CTXND1: variants seen among roughly 807,000 people sequenced by gnomAD.
The protein encoded by CTXND1 is cortexin domain containing 1.
chr15:80,240,283 G>T (rs896139472), intron 1 of CTXND1, among the ~76,000 whole-genome samples: 8 of 152,198 alleles, frequency 5.3e-5, no homozygotes, highest in African/African-American at 1.9e-4. Context: ...TTTATTAAGG[G>T]GGGTCCCAAA....
intron 1 of CTXND1, among the ~76,000 whole-genome samples, chr15:80,241,289 G>A (rs1378849644): frequency 6.6e-6 from 1 of 152,110 alleles, no homozygotes; most frequent in African/African-American, 2.4e-5. Context: ...TGTCTGAGAA[G>A]GATTCTCTTC....
chr15:80,219,591 T>C (rs1893290993), intron 1 of CTXND1, among the ~76,000 whole-genome samples: 1 of 152,232 alleles, frequency 6.6e-6, no homozygotes, highest in South Asian at 2.1e-4. Context: ...CTAACTTTAT[T>C]AGACATTGCC....
At chr15:80,245,882 C>T (rs1893622189) in intron 1 of CTXND1, among the ~76,000 whole-genome samples, 1 of 152,152 alleles carries the variant, frequency 6.6e-6, no homozygotes, top group Admixed American at 6.5e-5. Flanking sequence ...CCCAACCCCG[C>T]AAGCCTCATG....
intron 1 of CTXND1, among the ~76,000 whole-genome samples, chr15:80,226,633 G>C (rs552035666): frequency 2.0e-5 from 3 of 152,226 alleles, no homozygotes; most frequent in African/African-American, 7.2e-5. Context: ...GAGTGATCCA[G>C]GGTCCCCTTG....
chr15:80,207,775 A>G (rs1341279586), intron 1 of CTXND1, among the ~76,000 whole-genome samples: 1 of 152,210 alleles, frequency 6.6e-6, no homozygotes, highest in Admixed American at 6.5e-5. Context: ...GGGTTCACTT[A>G]TTGTAAACAA....
chr15:80,218,501 G>C (rs2142128636), intron 1 of CTXND1, among the ~76,000 whole-genome samples: 1 of 152,176 alleles, frequency 6.6e-6, no homozygotes, highest in Non-Finnish European at 1.5e-5. Context: ...AGGCTTTCCA[G>C]AACTTTCTGC....
chr15:80,248,052 C>T (rs1002889735), intron 1 of CTXND1, among the ~76,000 whole-genome samples: 2 of 152,224 alleles, frequency 1.3e-5, no homozygotes, highest in Non-Finnish European at 2.9e-5. Context: ...AGCTGAACAG[C>T]CTACTCTCAA....
intron 1 of CTXND1, among the ~76,000 whole-genome samples, chr15:80,249,897 C>G (rs1467010951): frequency 6.6e-6 from 1 of 152,174 alleles, no homozygotes; most frequent in African/African-American, 2.4e-5. Flanking sequence ...AGACACGGAC[C>G]GGTTCCAGAG....
intron 1 of CTXND1, among the ~76,000 whole-genome samples, chr15:80,228,033 C>T (rs561303603): frequency 3.2e-4 from 48 of 152,356 alleles, no homozygotes; most frequent in Admixed American, 9.2e-4. Flanking sequence ...TATTCTAAAT[C>T]CTTGGATGTC....
At chr15:80,224,764 G>A (rs1893355053) in intron 1 of CTXND1, among the ~76,000 whole-genome samples, 1 of 152,120 alleles carries the variant, frequency 6.6e-6, no homozygotes, top group African/African-American at 2.4e-5. Context: ...TTTAAATTGA[G>A]ACAGGCTCTC....
chr15:80,202,611 G>T (rs1893092798), intron 2 of CTXND1, among the ~76,000 whole-genome samples: 1 of 152,156 alleles, frequency 6.6e-6, no homozygotes, highest in Non-Finnish European at 1.5e-5. Flanking sequence ...ACTGTGCCTG[G>T]TCTATCATGT....
At position 80,201,033 on chromosome 15, in the gene CTXND1, A is replaced by T. The variant is rs1431929115; in HGVS notation, c.*737T>A. The T allele has an allele frequency of 6.6e-6, 1 of 152,180 alleles. No individual in the cohort carries two copies. The highest frequency in any genetic ancestry group is 1.5e-5 in the Non-Finnish European group (1 of 68,032). The allele number at this position is 152,180 out of a possible 1,614,324, so 9.4% of individuals were successfully genotyped here. On this transcript the variant is annotated 3_prime_UTR_variant, in exon 3 of 3. Coordinates refer to ENST00000560778, the MANE Select transcript of CTXND1 (RefSeq NM_001352888.2). ...GAGTATGAATTTGACTAAAAAATAC[A>T]AGTAAAAAGGCTGGAAGAAAATATA...
intron 2 of CTXND1, among the ~76,000 whole-genome samples, chr15:80,202,532 C>G (rs1211698700): frequency 6.6e-6 from 1 of 152,216 alleles, no homozygotes; most frequent in East Asian, 1.9e-4. Context: ...CTTACTGCAG[C>G]CTCCAACTCC....
intron 1 of CTXND1, among the ~76,000 whole-genome samples, chr15:80,220,166 TATCTATTTATC>T (rs1240622216): frequency 2.0e-5 from 3 of 148,494 alleles, no homozygotes; most frequent in Admixed American, 6.6e-5. Context: ...TCTATCTATC[TATCTATTTATC>T]TATCTATCTA....
At chr15:80,224,876 C>T (rs1307629071) in intron 1 of CTXND1, among the ~76,000 whole-genome samples, 14 of 152,110 alleles carry the variant, frequency 9.2e-5, no homozygotes, top group African/African-American at 2.4e-4. Flanking sequence ...CCCAAGCAGC[C>T]GAGATTACAG....
In CTXND1 at chr15:80,205,663, C is replaced by T. The variant is rs577181733; in HGVS notation, c.-217-1923G>A. ...GCACCAGATCCCGGCATCCAGACAA[C>T]GAGACACCAGACCCCTCGTTCATCT... On this transcript the variant is annotated intron_variant, in intron 1 of 2. Coordinates refer to ENST00000560778, the MANE Select transcript of CTXND1 (RefSeq NM_001352888.2). Among the ~76,000 whole-genome samples, 3 of 152,312 alleles carry T rather than the reference C, an allele frequency of 2.0e-5. No individual in the cohort carries two copies. In the East Asian group the frequency reaches 5.8e-4, roughly 29 times the overall value.
At chr15:80,237,336 GAAA>G (rs201997173) in intron 1 of CTXND1, among the ~76,000 whole-genome samples, 1 of 101,578 alleles carries the variant, frequency 9.8e-6, no homozygotes. Flanking sequence ...CAGTGTCTCA[GAAA>G]AAAAAAAAAA....
chr15:80,205,095 T>G (rs1567127907), intron 1 of CTXND1, among the ~76,000 whole-genome samples: 1 of 152,238 alleles, frequency 6.6e-6, no homozygotes, highest in Non-Finnish European at 1.5e-5. Flanking sequence ...TTCTAACAAA[T>G]GCAAGCCTGT....
chr15:80,238,315 A>G (rs1277480357), intron 1 of CTXND1, among the ~76,000 whole-genome samples: 1 of 152,054 alleles, frequency 6.6e-6, no homozygotes, highest in African/African-American at 2.4e-5. Context: ...CTATGTTTAG[A>G]TATGTTCAGA....
Sources: allele counts gnomAD v4.1 joint callset (sites outside exome capture counted in the v4.1 genomes callset), GRCh38; gene constraint gnomAD v4.1.1; transcripts MANE v1.5; gene names NCBI Gene and HGNC (gene_info 2026-07-23, HGNC 2026-07-21).